Variants in ARMC2 observed in about 807,000 individuals in gnomAD.
The protein encoded by ARMC2 is armadillo repeat containing 2, also known as armadillo repeat-containing protein 2.
A neutral mutation model predicts 90.3 loss-of-function variants in ARMC2; 67 were observed. The ratio of observed to expected loss-of-function variants is 0.74; its 90% CI spans 0.61 to 0.91. ARMC2 has a LOEUF of 0.91. ARMC2 is among the 40% of genes least tolerant of loss of function. The pLI is 0.00. For missense variants in ARMC2, 920 were observed against 1,030.9 expected (o/e 0.89, Z 1.47); for synonymous variants, 393 against 393.0 (o/e 1.00, Z 0.00).
chr6:109,025,108 C>T, the ARMC2 span, among the ~76,000 whole-genome samples: 59 of 151,876 alleles, frequency 3.9e-4, no homozygotes, highest in Non-Finnish European at 7.4e-4. Context: ...GATCAGAGAC[C>T]CCATCATAAA....
At position 108,973,531 on chromosome 6, in the gene ARMC2, A is replaced by G; in HGVS notation, c.*17A>G. On this transcript the variant is annotated 3_prime_UTR_variant, in exon 18 of 18. Coordinates refer to ENST00000392644, the MANE Select transcript of ARMC2 (RefSeq NM_032131.6). ...TCTTTCTAACATGATGCAGATTAAC[A>G]GTAGAAACGAGAACTCACGTCTCCC... 1 of 1,590,276 alleles carries G rather than the reference A, an allele frequency of 6.3e-7. No homozygotes were observed. The highest frequency in any genetic ancestry group is 8.6e-7 in the Non-Finnish European group (1 of 1,165,760).
At chr6:108,991,189 T>C in the ARMC2 span, among the ~76,000 whole-genome samples, 2 of 152,106 alleles carry the variant, frequency 1.3e-5, no homozygotes, top group African/African-American at 4.8e-5. Flanking sequence ...CCCTCTCCTT[T>C]TCCATTGCTG....
At chr6:108,868,173 A>C (rs962086016) in intron 3 of ARMC2, among the ~76,000 whole-genome samples, 1 of 147,528 alleles carries the variant, frequency 6.8e-6, no homozygotes, top group Non-Finnish European at 1.5e-5. Flanking sequence ...AGAAATTTTT[A>C]AAGCATGTTG....
chr6:109,027,823 T>G, the ARMC2 span, among the ~76,000 whole-genome samples: 1 of 152,196 alleles, frequency 6.6e-6, no homozygotes, highest in Non-Finnish European at 1.5e-5. Context: ...TAACTTTTGA[T>G]ACTGAACATG....
intron 10 of ARMC2, among the ~76,000 whole-genome samples, chr6:108,918,803 C>T (rs887414144): frequency 5.3e-5 from 8 of 152,214 alleles, no homozygotes; most frequent in African/African-American, 1.9e-4. Flanking sequence ...TCTAGTAAAG[C>T]GCCCATAACA....
chr6:108,884,509 A>G (rs995235658), intron 5 of ARMC2, among the ~76,000 whole-genome samples: 1 of 152,192 alleles, frequency 6.6e-6, no homozygotes, highest in African/African-American at 2.4e-5. Context: ...GAAAATTCCT[A>G]GAGTAGTTGG....
intron 6 of ARMC2, among the ~76,000 whole-genome samples, chr6:108,898,333 C>T (rs1771803513): frequency 6.6e-6 from 1 of 152,216 alleles, no homozygotes; most frequent in South Asian, 2.1e-4. Flanking sequence ...TGATTTCTAA[C>T]TCTTTGTGTG....
intron 5 of ARMC2, among the ~76,000 whole-genome samples, chr6:108,890,744 T>C (rs1015626237): frequency 2.0e-5 from 3 of 152,162 alleles, no homozygotes; most frequent in Non-Finnish European, 2.9e-5. Context: ...GCTCTTTTTT[T>C]ATTTCTAACA....
chr6:109,051,201 T>C, the ARMC2 span, among the ~76,000 whole-genome samples: 1 of 151,914 alleles, frequency 6.6e-6, no homozygotes, highest in Non-Finnish European at 1.5e-5. Context: ...TTCATGATGG[T>C]TTAAAACTTC....
chr6:108,903,880 A>G (rs1336437724), intron 7 of ARMC2, among the ~76,000 whole-genome samples: 2 of 152,216 alleles, frequency 1.3e-5, no homozygotes, highest in Non-Finnish European at 2.9e-5. Context: ...TGCAAGTGGC[A>G]TGCATCTGTG....
chr6:108,994,345 A>G, the ARMC2 span: 1 of 759,800 alleles, frequency 1.3e-6, no homozygotes, highest in Non-Finnish European at 2.0e-6. Context: ...TACCTATGCA[A>G]TAGTCTCTCT....
intron 2 of ARMC2, chr6:108,856,441 TG>T (rs1774619823): frequency 4.8e-6 from 1 of 209,092 alleles, no homozygotes; most frequent in Non-Finnish European, 1.0e-5. Flanking sequence ...AACCATTTTA[TG>T]GGGTTTCCCT....
chr6:109,038,649 T>C, the ARMC2 span, among the ~76,000 whole-genome samples: 1 of 152,234 alleles, frequency 6.6e-6, no homozygotes, highest in South Asian at 2.1e-4. Flanking sequence ...GGGCATATGC[T>C]CTGAGTGGGA....
At chr6:108,865,055 G>C (rs1775674566) in intron 3 of ARMC2, among the ~76,000 whole-genome samples, 1 of 146,832 alleles carries the variant, frequency 6.8e-6, no homozygotes, top group South Asian at 2.1e-4. Flanking sequence ...CTGGAGTGCA[G>C]TGGTGCAACC....
At chr6:108,988,173 T>C in the ARMC2 span, among the ~76,000 whole-genome samples, 1 of 152,240 alleles carries the variant, frequency 6.6e-6, no homozygotes, top group Non-Finnish European at 1.5e-5. Context: ...TCAGAAAATC[T>C]AGACACTGTT....
chr6:108,860,182 A>C (rs1220266920), intron 3 of ARMC2, among the ~76,000 whole-genome samples: 1 of 150,632 alleles, frequency 6.6e-6, no homozygotes, highest in Admixed American at 6.6e-5. Context: ...TTCCCTCTAC[A>C]TTATCTCTTT....
intron 5 of ARMC2, among the ~76,000 whole-genome samples, chr6:108,889,450 ATTATTT>A (rs1770716818): frequency 6.6e-6 from 1 of 150,968 alleles, no homozygotes. Flanking sequence ...CCTGCCTGTT[ATTATTT>A]TTGAGACAGG....
At chr6:108,929,414 G>A (rs759565393) in intron 11 of ARMC2, among the ~76,000 whole-genome samples, 1 of 152,038 alleles carries the variant, frequency 6.6e-6, no homozygotes, top group Non-Finnish European at 1.5e-5. Flanking sequence ...TTTATCCTCA[G>A]ACCTGTACCA....
chr6:109,009,566 G>C, the ARMC2 span: 1 of 1,108,988 alleles, frequency 9.0e-7, no homozygotes, highest in Non-Finnish European at 1.1e-6. Flanking sequence ...GGGGGGGCGG[G>C]GCGGCGCCGA....
Sources: gnomAD v4.1 joint callset for allele counts (sites outside exome capture counted in the v4.1 genomes callset) on GRCh38, gnomAD v4.1.1 for gene constraint, MANE v1.5 for transcripts, NCBI Gene and HGNC (gene_info 2026-07-23, HGNC 2026-07-21) for gene names.